CDH7: variants seen among roughly 807,000 people sequenced by gnomAD.
CDH7 encodes cadherin-7.
Under a neutral mutation model 71.8 loss-of-function variants are expected in CDH7, and 25 were observed. The ratio of observed to expected loss-of-function variants is 0.35; its 90% CI spans 0.25 to 0.49. The LOEUF (loss-of-function observed/expected upper bound fraction) is 0.49, where lower values mean the gene tolerates loss of function less well. Among genes scored for constraint, CDH7 ranks in the 20% least tolerant of loss-of-function variants. The pLI, the probability that CDH7 is intolerant of heterozygous loss-of-function variation, is 0.99. For synonymous variants in CDH7, 381 were observed against 363.8 expected, an observed-to-expected ratio of 1.05 and a Z score of -0.54; for missense variants, 862 against 974.6, an observed-to-expected ratio of 0.88 and a Z score of 1.54.
At chr18:65,879,414 T>C (rs867163674) in intron 11 of CDH7, among the ~76,000 whole-genome samples, 8 of 152,292 alleles carry the variant, frequency 5.3e-5, no homozygotes, top group Admixed American at 6.5e-5. Context: ...AAGGTATTTG[T>C]AGATGAATAA....
chr18:65,827,221 ACTT>A (rs955915281), intron 6 of CDH7, among the ~76,000 whole-genome samples: 1 of 151,848 alleles, frequency 6.6e-6, no homozygotes, highest in Non-Finnish European at 1.5e-5. Flanking sequence ...TTCTTAAATG[ACTT>A]CTAATACATA....
intron 2 of CDH7, among the ~76,000 whole-genome samples, chr18:65,802,669 A>G (rs1911167666): frequency 6.6e-6 from 1 of 152,158 alleles, no homozygotes; most frequent in South Asian, 2.1e-4. Context: ...AGCATTCACA[A>G]TTACACTAAG....
chr18:65,814,661 T>C, intron 4 of CDH7, 57 bp downstream of exon 4: 1 of 1,486,852 alleles, frequency 6.7e-7, no homozygotes, highest in East Asian at 2.3e-5. Context: ...TGCTTAGAAT[T>C]AATATTATTT....
At chr18:65,767,481 A>G (rs1022708520) in intron 2 of CDH7, among the ~76,000 whole-genome samples, 1 of 152,230 alleles carries the variant, frequency 6.6e-6, no homozygotes, top group Admixed American at 6.5e-5. Context: ...GAGCATAGTC[A>G]TCATAGCAAA....
intron 11 of CDH7, among the ~76,000 whole-genome samples, chr18:65,879,498 T>G (rs887062755): frequency 2.0e-5 from 3 of 152,208 alleles, no homozygotes; most frequent in African/African-American, 7.2e-5. Context: ...TGTAGTTTAG[T>G]TGAAGTTGCA....
At chr18:65,859,576 A>G (rs923047716) in intron 9 of CDH7, 132 bp from the exon 10 acceptor site, 6 of 610,550 alleles carry the variant, frequency 9.8e-6, no homozygotes, top group Admixed American at 8.7e-5. Flanking sequence ...ATAATAATAC[A>G]TCGGATCCTT....
In CDH7 at chr18:65,843,912, C is replaced by G. The variant is rs142208974; in HGVS notation, c.1082C>G (p.Thr361Arg). 2.5e-6 allele frequency: 4 copies of G among 1,605,916 alleles called. No homozygotes were observed. Among genetic ancestry groups the G allele is most frequent in the Non-Finnish European group, 3.4e-6 (4 of 1,175,054 alleles). Residue 361 changes from threonine to arginine, a missense_variant, in exon 7 of 12, where the codon ACG becomes AGG. By Grantham distance (71) the Thr-to-Arg change is moderately conservative. Coordinates refer to ENST00000397968, the MANE Select transcript of CDH7 (RefSeq NM_004361.5). ...CTGAGCTTGGGTCCGTTCAGTGACA[C>G]GACAACTGTGAAGATAATTGTGGAA... is the stretch of plus-strand genomic sequence containing the variant. The part of the protein sequence containing the change: ...RFLSLGPFSD[T>R]TTVKIIVEDV...
intron 7 of CDH7, among the ~76,000 whole-genome samples, chr18:65,847,445 A>G (rs1163033157): frequency 2.6e-5 from 4 of 152,190 alleles, no homozygotes; most frequent in African/African-American, 9.7e-5. Context: ...TATGTCATTT[A>G]TGTTTGTAGT....
intron 6 of CDH7, among the ~76,000 whole-genome samples, chr18:65,825,752 C>A (rs1483965711): frequency 6.6e-6 from 1 of 151,642 alleles, no homozygotes; most frequent in East Asian, 1.9e-4. Context: ...GATTTCAGGC[C>A]AATGAGAAAA....
At position 65,883,481 on chromosome 18, in the gene CDH7, T is replaced by G. The variant is rs1292282615; in HGVS notation, c.*2587T>G. 1 of 152,034 alleles carries G rather than the reference T, an allele frequency of 6.6e-6. No individual in the cohort carries two copies. Among genetic ancestry groups the G allele is most frequent in the Admixed American group, 6.6e-5 (1 of 15,254 alleles). The allele number at this position is 152,034 out of a possible 1,614,324, so 9.4% of individuals were successfully genotyped here. ...TGATAAAATTAATATTAAGTCTAGT[T>G]GGAAAATTCTCCAAATATGATTTAA... On this transcript the variant is annotated 3_prime_UTR_variant, in exon 12 of 12. Transcript: ENST00000397968.
Position 65,822,105 on chromosome 18 carries a change from A to G in CDH7, c.650A>G (p.Asn217Ser). 6.2e-7 allele frequency: 1 copy of G among 1,613,238 alleles called. No homozygotes were observed. The highest frequency in any genetic ancestry group is 8.5e-7 in the Non-Finnish European group (1 of 1,179,288). The change falls in exon 5 of 12, where the codon AAC (asparagine) becomes AGC (serine). Residue 217 changes from asparagine (N) to serine (S), a missense_variant. By Grantham distance (46) the Asn-to-Ser change is conservative (BLOSUM62 1). Transcript: ENST00000397968. ...GGAGTCATCAAGACTGCCCTTCCAA[A>G]CATGGATAGAGAGGCTAAAGACCAG... ...KTGVIKTALP[N>S]MDREAKDQYL...
At chr18:65,761,112 G>T (rs1568171004) in intron 1 of CDH7, among the ~76,000 whole-genome samples, 1 of 152,164 alleles carries the variant, frequency 6.6e-6, no homozygotes. Flanking sequence ...TGCACAGGGT[G>T]CAGTTAAGAG....
intron 11 of CDH7, among the ~76,000 whole-genome samples, chr18:65,868,111 T>A (rs1366693575): frequency 1.3e-5 from 2 of 152,206 alleles, no homozygotes; most frequent in East Asian, 3.9e-4. Flanking sequence ...CCCATCATAA[T>A]CTATAATGAT....
At chr18:65,878,882 G>A (rs1388411593) in intron 11 of CDH7, among the ~76,000 whole-genome samples, 1 of 152,094 alleles carries the variant, frequency 6.6e-6, no homozygotes, top group Admixed American at 6.6e-5. Context: ...AAAGTGTAAA[G>A]CTTATGAGAA....
At position 65,765,657 on chromosome 18, in the gene CDH7, T is replaced by C. The variant is rs77168533; in HGVS notation, c.210+2605T>C. 4.2e-3 allele frequency among the ~76,000 whole-genome samples: 646 copies of C among 152,212 alleles called. 3 individuals are homozygous for C. Among genetic ancestry groups the C allele is most frequent in the Non-Finnish European group, 7.5e-3 (512 of 67,948 alleles). ...TAGGCCACTTAGATGGTCACATTCTTAGTCATCCTAACACAATCTAGCTAT... is the reference window on the plus strand; with the variant it reads ...TAGGCCACTTAGATGGTCACATTCTCAGTCATCCTAACACAATCTAGCTAT... On this transcript the variant is annotated intron_variant, in intron 2 of 11. Transcript: ENST00000397968.
At chr18:65,790,102 C>T (rs577053229) in intron 2 of CDH7, among the ~76,000 whole-genome samples, 8 of 151,156 alleles carry the variant, frequency 5.3e-5, no homozygotes, top group South Asian at 2.1e-4. Flanking sequence ...TGGTAGTGGG[C>T]GCCTGTAGTC....
At chr18:65,855,127 G>A (rs986887485) in intron 7 of CDH7, among the ~76,000 whole-genome samples, 2 of 151,922 alleles carry the variant, frequency 1.3e-5, no homozygotes, top group Admixed American at 6.6e-5. Context: ...CTCCAAACCT[G>A]TGATGAGTTT....
intron 2 of CDH7, among the ~76,000 whole-genome samples, chr18:65,792,223 A>G (rs1910740298): frequency 6.9e-6 from 1 of 145,086 alleles, no homozygotes; most frequent in African/African-American, 2.6e-5. Flanking sequence ...AGACTGACAA[A>G]ATAGGGAAGA....
chr18:65,751,982 A>C (rs1174636560), intron 1 of CDH7, among the ~76,000 whole-genome samples: 1 of 152,230 alleles, frequency 6.6e-6, no homozygotes, highest in African/African-American at 2.4e-5. Context: ...GAGTTCACCC[A>C]GCACTGGGCA....
Sources: allele counts gnomAD v4.1 joint callset (sites outside exome capture counted in the v4.1 genomes callset), GRCh38; gene constraint gnomAD v4.1.1; transcripts MANE v1.5; gene names NCBI Gene and HGNC (gene_info 2026-07-23, HGNC 2026-07-21).